GNA12: variants seen among roughly 807,000 people sequenced by gnomAD.
GNA12 encodes guanine nucleotide-binding protein subunit alpha-12.
Under a neutral mutation model 26.0 loss-of-function variants are expected in GNA12, and 9 were observed. The observed-to-expected ratio is 0.35, with a 90% CI of 0.21 to 0.60. The LOEUF (loss-of-function observed/expected upper bound fraction) is 0.60, where lower values mean the gene tolerates loss of function less well. Among genes scored for constraint, GNA12 ranks in the 20% least tolerant of loss-of-function variants. The probability of loss-of-function intolerance (pLI) is 0.78; values close to 1 mark genes in which losing one functional copy is unlikely to be tolerated. For missense variants in GNA12, 405 were observed against 525.8 expected (o/e 0.77, Z 2.25); for synonymous variants, 264 against 219.6 (o/e 1.20, Z -1.79).
intron 2 of GNA12, among the ~76,000 whole-genome samples, chr7:2,745,613 A>G (rs1231446309): frequency 6.6e-6 from 1 of 152,218 alleles, no homozygotes; most frequent in Non-Finnish European, 1.5e-5. Flanking sequence ...TGCATCAACT[A>G]ACGAGCAAAA....
intron 2 of GNA12, among the ~76,000 whole-genome samples, chr7:2,746,167 G>A (rs1790753829): frequency 6.6e-6 from 1 of 152,278 alleles, no homozygotes; most frequent in East Asian, 1.9e-4. Flanking sequence ...GCACCAAGCA[G>A]ACCTAATAGA....
At chr7:2,806,186 G>T (rs1229280748) in intron 1 of GNA12, among the ~76,000 whole-genome samples, 1 of 152,154 alleles carries the variant, frequency 6.6e-6, no homozygotes. Flanking sequence ...ATATCTAAAA[G>T]AATTTGTCTT....
At chr7:2,774,712 T>C (rs1792035298) in intron 2 of GNA12, among the ~76,000 whole-genome samples, 1 of 152,254 alleles carries the variant, frequency 6.6e-6, no homozygotes, top group Admixed American at 6.5e-5. Context: ...CAGGTTTGTC[T>C]TCCTTTTTAT....
chr7:2,842,906 T>A (rs28526829), intron 1 of GNA12, among the ~76,000 whole-genome samples: 1 of 152,308 alleles, frequency 6.6e-6, no homozygotes, highest in Admixed American at 6.5e-5. Context: ...CACAGGTGAA[T>A]AGGATTGGCA....
intron 2 of GNA12, among the ~76,000 whole-genome samples, chr7:2,756,104 T>C (rs968378998): frequency 2.0e-5 from 3 of 152,342 alleles, no homozygotes; most frequent in East Asian, 3.9e-4. Context: ...AAAAGTAATA[T>C]GGATCAACCG....
chr7:2,777,742 T>C (rs1017621057), intron 2 of GNA12, among the ~76,000 whole-genome samples: 6 of 152,190 alleles, frequency 3.9e-5, no homozygotes, highest in African/African-American at 1.2e-4. Flanking sequence ...AATATATGTC[T>C]GTTTTCAAGC....
chr7:2,770,512 C>T, intron 2 of GNA12, among the ~76,000 whole-genome samples: 1 of 151,956 alleles, frequency 6.6e-6, no homozygotes. Flanking sequence ...TCTCAGCTAC[C>T]CAGGAGGCTG....
intron 1 of GNA12, among the ~76,000 whole-genome samples, chr7:2,806,915 T>C (rs1206007432): frequency 6.6e-6 from 1 of 152,250 alleles, no homozygotes; most frequent in Non-Finnish European, 1.5e-5. Flanking sequence ...GATGTTGAAT[T>C]ATAAAACTGC....
chr7:2,831,740 C>G (rs1442033589), intron 1 of GNA12, among the ~76,000 whole-genome samples: 1 of 152,028 alleles, frequency 6.6e-6, no homozygotes, highest in Non-Finnish European at 1.5e-5. Flanking sequence ...CAAGTGGTCA[C>G]AAAAATATAA....
chr7:2,794,865 G>A (rs2115457303), intron 2 of GNA12, 63 bp downstream of exon 2: 1 of 1,168,184 alleles, frequency 8.6e-7, no homozygotes, highest in African/African-American at 1.5e-5. Flanking sequence ...TCAACTAACG[G>A]TCCAAAATAG....
intron 1 of GNA12, among the ~76,000 whole-genome samples, chr7:2,835,178 T>C (rs1778799669): frequency 6.6e-6 from 1 of 152,146 alleles, no homozygotes; most frequent in African/African-American, 2.4e-5. Flanking sequence ...GCATCACACA[T>C]AAGTCAGGGA....
intron 2 of GNA12, among the ~76,000 whole-genome samples, chr7:2,757,214 C>A (rs1791348119): frequency 6.9e-6 from 1 of 144,032 alleles, no homozygotes; most frequent in South Asian, 2.2e-4. Flanking sequence ...TGGCTCACTG[C>A]AAGCTCTGCC....
chr7:2,736,923 C>A (rs1037319039), intron 2 of GNA12, among the ~76,000 whole-genome samples: 1 of 152,244 alleles, frequency 6.6e-6, no homozygotes, highest in African/African-American at 2.4e-5. Context: ...TTCAACCCTG[C>A]ACAGGACCAG....
At chr7:2,816,637 C>T (rs1387055910) in intron 1 of GNA12, among the ~76,000 whole-genome samples, 1 of 152,064 alleles carries the variant, frequency 6.6e-6, no homozygotes, top group Non-Finnish European at 1.5e-5. Flanking sequence ...ATGTACAGAA[C>T]ACAAATTGAA....
intron 2 of GNA12, among the ~76,000 whole-genome samples, chr7:2,748,201 A>C (rs922508660): frequency 6.6e-6 from 1 of 151,162 alleles, no homozygotes; most frequent in Non-Finnish European, 1.5e-5. Flanking sequence ...TGCATCGCCA[A>C]GTCAATCCTA....
At chr7:2,755,720 G>C (rs866784721) in intron 2 of GNA12, among the ~76,000 whole-genome samples, 1 of 152,092 alleles carries the variant, frequency 6.6e-6, no homozygotes, top group Non-Finnish European at 1.5e-5. Context: ...TGTCTACCCT[G>C]CATTTCCTTT....
chr7:2,827,369 G>C lies in GNA12; in HGVS notation c.309+16484C>G, dbSNP rs545739558. 5.3e-5 allele frequency among the ~76,000 whole-genome samples: 8 copies of C among 152,292 alleles called. No individual in the cohort carries two copies. The South Asian group carries it at 1.7e-3, about 32-fold the overall frequency. Reference sequence around the variant, plus strand: ...TGCTACTGAATGTACACTTCCAGATGATTAATTGTATGGTATGTGAATTTT... The same window carrying C: ...TGCTACTGAATGTACACTTCCAGATCATTAATTGTATGGTATGTGAATTTT... On this transcript the variant is annotated intron_variant, in intron 1 of 3. Transcript: ENST00000275364.
At chr7:2,773,837 T>G (rs1441524917) in intron 2 of GNA12, among the ~76,000 whole-genome samples, 1 of 152,206 alleles carries the variant, frequency 6.6e-6, no homozygotes, top group Non-Finnish European at 1.5e-5. Flanking sequence ...GTAACATTTT[T>G]GTAATGACGC....
chr7:2,826,228 A>G (rs1256983252), intron 1 of GNA12, among the ~76,000 whole-genome samples: 1 of 152,042 alleles, frequency 6.6e-6, no homozygotes, highest in Non-Finnish European at 1.5e-5. Context: ...AATACAAAAA[A>G]TTAGCCAGGC....
Sources: allele counts gnomAD v4.1 joint callset (sites outside exome capture counted in the v4.1 genomes callset), GRCh38; gene constraint gnomAD v4.1.1; transcripts MANE v1.5; gene names NCBI Gene and HGNC (gene_info 2026-07-23, HGNC 2026-07-21).